Variants in FKBP1A observed in about 807,000 individuals in gnomAD.
FKBP1A encodes the protein peptidyl-prolyl cis-trans isomerase FKBP1A.
In FKBP1A, 5 loss-of-function variants were observed where a neutral mutation model predicts 14.2. The ratio of observed to expected loss-of-function variants is 0.35; its 90% CI spans 0.18 to 0.74. The LOEUF (loss-of-function observed/expected upper bound fraction) is 0.74. Ranked by LOEUF, FKBP1A falls within the 30% of genes least tolerant of loss-of-function variation. The pLI is 0.56. For missense variants in FKBP1A, 53 were observed against 138.8 expected, an observed-to-expected ratio of 0.38 and a Z score of 3.10; for synonymous variants, 42 against 49.1, an observed-to-expected ratio of 0.86 and a Z score of 0.60.
At chr20:1,385,447 G>T (rs2089660020) in intron 2 of FKBP1A, among the ~76,000 whole-genome samples, 1 of 151,978 alleles carries the variant, frequency 6.6e-6, no homozygotes, top group Admixed American at 6.5e-5. Flanking sequence ...GTAGAAATAT[G>T]CATTTTCTAT....
rs2089757775 is a variant in FKBP1A at position 1,392,862 on chromosome 20, G to T, written c.57C>A (p.Arg19=). Reference sequence around the variant, plus strand: ...TGTAGTGCACCACGCAGGTCTGGCCGCGCTTGGGGAAGGTGCGCCCTGAGG... The same window carrying T: ...TGTAGTGCACCACGCAGGTCTGGCCTCGCTTGGGGAAGGTGCGCCCTGAGG... ...SPGDGRTFPK[R]GQTCVVHYTG... is the part of the protein sequence containing the mutation. Residue 19 remains arginine, a synonymous_variant, in exon 2 of 5, where the codon CGC becomes CGA. Transcript: ENST00000400137. The T allele has an allele frequency of 2.3e-5, 36 of 1,537,690 alleles. No homozygotes were observed. The highest frequency in any genetic ancestry group is 3.2e-5 in the Non-Finnish European group (36 of 1,142,080).
At position 1,372,076 on chromosome 20, in the gene FKBP1A, C is replaced by T; in HGVS notation, c.*36G>A. On this transcript the variant is annotated splice_region_variant and 3_prime_UTR_variant, in exon 4 of 5. Coordinates refer to ENST00000400137, the MANE Select transcript of FKBP1A (RefSeq NM_000801.5). ...GCCCTTCAGTATTCCATTTCCTTACCCAAGAACAGGGAGCTAAGGGAGGAG... is the reference window on the plus strand; with the variant it reads ...GCCCTTCAGTATTCCATTTCCTTACTCAAGAACAGGGAGCTAAGGGAGGAG... The T allele has an allele frequency of 6.2e-7, 1 of 1,611,784 alleles. No homozygotes were observed. The highest frequency in any genetic ancestry group is 8.5e-7 in the Non-Finnish European group (1 of 1,178,868).
intron 3 of FKBP1A, among the ~76,000 whole-genome samples, chr20:1,372,742 C>CA (rs1357327764): frequency 6.6e-6 from 1 of 152,020 alleles, no homozygotes; most frequent in Non-Finnish European, 1.5e-5. Context: ...AGGAAAACTT[C>CA]AAAAAAGACA....
At chr20:1,372,027 TG>T in intron 4 of FKBP1A, 48 bp downstream of exon 4, 1 of 1,581,980 alleles carries the variant, frequency 6.3e-7, no homozygotes, top group East Asian at 2.2e-5. Context: ...GGGCATAACA[TG>T]GGAGGAGCAA....
intron 3 of FKBP1A, chr20:1,373,233 C>G (rs977999863): frequency 3.9e-5 from 6 of 152,240 alleles, no homozygotes; most frequent in Admixed American, 2.6e-4. Flanking sequence ...CTCAGCAATT[C>G]TATTTCCAGA....
intron 2 of FKBP1A, among the ~76,000 whole-genome samples, chr20:1,384,709 G>A (rs1300631055): frequency 6.6e-6 from 1 of 152,096 alleles, no homozygotes; most frequent in East Asian, 2.0e-4. Context: ...CTCTGTGGCT[G>A]TATTCCAGCA....
At chr20:1,375,375 G>C (rs896229545) in intron 3 of FKBP1A, 116 bp downstream of exon 3, 1 of 694,620 alleles carries the variant, frequency 1.4e-6, no homozygotes, top group Admixed American at 2.6e-5. Context: ...AGATGGGATG[G>C]CATGAGGGTG....
Position 1,393,016 on chromosome 20 carries a change from A to AGCGG in FKBP1A, c.-22_-19dup, listed in dbSNP as rs2089761266. On this transcript the variant is annotated 5_prime_UTR_variant, in exon 1 of 5. Coordinates refer to ENST00000400137, the MANE Select transcript of FKBP1A (RefSeq NM_000801.5). ...ACTCCCATGGCGGCGGCGGACGCTG[A>AGCGG]GCGGGCGGGCGGCGCGACGGGCGGC... 2 of 1,458,410 alleles carry AGCGG rather than the reference A, an allele frequency of 1.4e-6. No homozygotes were observed. The highest frequency in any genetic ancestry group is 3.0e-5 in the Admixed American group (1 of 33,582). The allele number at this position is 1,458,410 out of a possible 1,614,324, so 90.3% of individuals were successfully genotyped here.
chr20:1,382,898 CAG>C (rs1462942033), intron 2 of FKBP1A, among the ~76,000 whole-genome samples: 22 of 152,322 alleles, frequency 1.4e-4, no homozygotes, highest in East Asian at 5.8e-4. Flanking sequence ...CAAGACGGTG[CAG>C]AGAGTCTCAA....
intron 2 of FKBP1A, among the ~76,000 whole-genome samples, chr20:1,392,482 G>A (rs1039391115): frequency 6.6e-6 from 1 of 152,192 alleles, no homozygotes; most frequent in African/African-American, 2.4e-5. Context: ...TCCTGAAAGT[G>A]TGACCTTGGG....
intron 2 of FKBP1A, chr20:1,377,823 C>T (rs1042286572): frequency 2.6e-5 from 4 of 152,314 alleles, no homozygotes; most frequent in Admixed American, 6.5e-5. Flanking sequence ...GTCAGAACCA[C>T]GGAGTGGCAG....
At chr20:1,372,981 C>T (rs934276125) in intron 3 of FKBP1A, 1 of 152,230 alleles carries the variant, frequency 6.6e-6, no homozygotes, top group Non-Finnish European at 1.5e-5. Flanking sequence ...TATCTACTTT[C>T]TGAACAGTGA....
chr20:1,374,070 CAG>C (rs2089505829), intron 3 of FKBP1A, among the ~76,000 whole-genome samples: 1 of 152,182 alleles, frequency 6.6e-6, no homozygotes, highest in Non-Finnish European at 1.5e-5. Flanking sequence ...AAGAGAGAGA[CAG>C]AAATCTGTCT....
At chr20:1,391,663 G>A (rs1486074430) in intron 2 of FKBP1A, 2 of 398,536 alleles carry the variant, frequency 5.0e-6, no homozygotes, top group East Asian at 7.1e-5. Context: ...ATGTTTCCAT[G>A]ATTTGGAAGA....
intron 3 of FKBP1A, among the ~76,000 whole-genome samples, chr20:1,372,675 A>G (rs547386432): frequency 6.6e-6 from 1 of 152,224 alleles, no homozygotes; most frequent in African/African-American, 2.4e-5. Flanking sequence ...AGGAAGTAAT[A>G]CTTGAGGGTA....
chr20:1,388,542 GCT>G (rs2089694096), intron 2 of FKBP1A, among the ~76,000 whole-genome samples: 1 of 152,198 alleles, frequency 6.6e-6, no homozygotes, highest in Admixed American at 6.5e-5. Context: ...ATTTGTTCAA[GCT>G]CTCATAGCCC....
At chr20:1,370,633 T>C (rs1280419397) in intron 4 of FKBP1A, 2 of 985,438 alleles carry the variant, frequency 2.0e-6, no homozygotes, top group Non-Finnish European at 2.4e-6. Context: ...GGGTTTGCCC[T>C]TGGATTTTCC....
At chr20:1,372,870 C>T (rs960263652) in intron 3 of FKBP1A, among the ~76,000 whole-genome samples, 2 of 152,148 alleles carry the variant, frequency 1.3e-5, no homozygotes, top group Non-Finnish European at 2.9e-5. Flanking sequence ...GTGAGGAGAA[C>T]AGTATGGATA....
intron 2 of FKBP1A, among the ~76,000 whole-genome samples, chr20:1,381,716 T>C (rs2089618184): frequency 6.6e-6 from 1 of 152,206 alleles, no homozygotes; most frequent in Admixed American, 6.5e-5. Flanking sequence ...CATGTTTCTA[T>C]ATATAGAAAA....
Sources: gnomAD v4.1 joint callset for allele counts (sites outside exome capture counted in the v4.1 genomes callset) on GRCh38, gnomAD v4.1.1 for gene constraint, MANE v1.5 for transcripts, NCBI Gene and HGNC (gene_info 2026-07-23, HGNC 2026-07-21) for gene names.